DCAF12: variants seen among roughly 807,000 people sequenced by gnomAD.
DCAF12 encodes DDB1- and CUL4-associated factor 12.
DCAF12 carries 28 observed loss-of-function variants against 52.8 expected under a neutral mutation model. The observed-to-expected ratio is 0.53, with a 90% CI of 0.39 to 0.73. The LOEUF is 0.73. DCAF12 is among the 30% of genes least tolerant of loss of function. The pLI, the probability that DCAF12 is intolerant of heterozygous loss-of-function variation, is 0.00. For missense variants in DCAF12, 425 were observed against 552.2 expected (o/e 0.77, Z 2.31); for synonymous variants, 196 against 215.5 (o/e 0.91, Z 0.79).
At chr9:34,095,737 T>G (rs534744883) in intron 6 of DCAF12, 2 of 152,192 alleles carry the variant, frequency 1.3e-5, no homozygotes, top group African/African-American at 4.8e-5. Context: ...TATTGTAAAT[T>G]AAGTCTATTT....
chr9:34,090,167 G>A (rs548794527), intron 7 of DCAF12, among the ~76,000 whole-genome samples: 40 of 152,208 alleles, frequency 2.6e-4, no homozygotes, highest in Non-Finnish European at 5.0e-4. Context: ...GGGTTCAAGC[G>A]ATTCTCCTGC....
At chr9:34,094,016 C>T (rs546339467) in intron 6 of DCAF12, among the ~76,000 whole-genome samples, 3 of 152,298 alleles carry the variant, frequency 2.0e-5, no homozygotes, top group Admixed American at 6.5e-5. Flanking sequence ...CATAAGACAG[C>T]ATACAAGGTC....
At chr9:34,089,327 T>C in intron 8 of DCAF12, 85 bp downstream of exon 8, 1 of 1,384,486 alleles carries the variant, frequency 7.2e-7, no homozygotes, top group South Asian at 1.4e-5. Context: ...TATGAGTAGA[T>C]GGTGTGTCAG....
intron 8 of DCAF12, 81 bp downstream of exon 8, chr9:34,089,331 G>A: frequency 7.1e-7 from 1 of 1,401,138 alleles, no homozygotes; most frequent in Non-Finnish European, 9.7e-7. Context: ...AGTAGATGGT[G>A]TGTCAGTGGG....
chr9:34,121,986 C>T (rs1192042334), intron 2 of DCAF12, among the ~76,000 whole-genome samples: 1 of 152,110 alleles, frequency 6.6e-6, no homozygotes, highest in Non-Finnish European at 1.5e-5. Context: ...GTCCTCCTTT[C>T]TTGAATTCTT....
intron 7 of DCAF12, 32 bp from the exon 8 acceptor site, chr9:34,089,622 C>T (rs377100113): frequency 1.2e-5 from 18 of 1,564,848 alleles, no homozygotes; most frequent in East Asian, 4.6e-5. Flanking sequence ...GGCAGTGAGG[C>T]GGGAGAGAAT....
intron 2 of DCAF12, 27 bp downstream of exon 2, chr9:34,124,996 A>G (rs780445611): frequency 6.2e-7 from 1 of 1,611,342 alleles, no homozygotes; most frequent in East Asian, 2.2e-5. Context: ...GACCTAGGAG[A>G]GAGGTCACAT....
In DCAF12 at chr9:34,087,922, C is replaced by CACACACACAG. The variant is rs921628952; in HGVS notation, c.*418_*427dup. 6.5e-6 allele frequency: 1 copy of CACACACACAG among 154,384 alleles called. No individual in the cohort carries two copies. Among genetic ancestry groups the CACACACACAG allele is most frequent in the African/African-American group, 2.4e-5 (1 of 41,288 alleles). 9.6% of individuals were successfully genotyped at this position (154,384 alleles called of 1,614,324 possible). On this transcript the variant is annotated 3_prime_UTR_variant, in exon 9 of 9. Transcript: ENST00000361264. Reference sequence around the variant, plus strand: ...ACACGCAGACAAGATCTCTCTCTCACACACACACAGACACACACAGCTCCC... The same window carrying CACACACACAG: ...ACACGCAGACAAGATCTCTCTCTCACACACACACAGACACACACAGACACACACAGCTCCC...
intron 7 of DCAF12, among the ~76,000 whole-genome samples, chr9:34,090,649 G>C (rs7862025): frequency 0.31 from 46,336 of 151,760 alleles, 7,536 homozygotes; most frequent in Non-Finnish European, 0.36. Context: ...TACATTATTA[G>C]AGCCAAACCT....
chr9:34,100,773 T>TAC (rs1457112760), intron 4 of DCAF12, among the ~76,000 whole-genome samples: 21 of 151,910 alleles, frequency 1.4e-4, no homozygotes, highest in African/African-American at 4.3e-4. Flanking sequence ...GTGCTGGGAT[T>TAC]ACAGGTATGA....
At chr9:34,111,490 T>C (rs2131438019) in intron 2 of DCAF12, among the ~76,000 whole-genome samples, 1 of 152,292 alleles carries the variant, frequency 6.6e-6, no homozygotes, top group African/African-American at 2.4e-5. Flanking sequence ...CTATTAACTC[T>C]CTCCCAATTC....
chr9:34,119,174 T>C (rs1829133963), intron 2 of DCAF12, among the ~76,000 whole-genome samples: 2 of 152,150 alleles, frequency 1.3e-5, no homozygotes, highest in African/African-American at 4.8e-5. Context: ...TCTACTACTG[T>C]ATTTTTGAGC....
intron 6 of DCAF12, among the ~76,000 whole-genome samples, chr9:34,095,221 C>T (rs188720484): frequency 6.6e-6 from 1 of 151,442 alleles, no homozygotes; most frequent in African/African-American, 2.4e-5. Context: ...ACTACAGACG[C>T]CCACCACCAC....
At chr9:34,103,095 CAAAA>C (rs34456166) in intron 4 of DCAF12, among the ~76,000 whole-genome samples, 14,608 of 100,054 alleles carry the variant, frequency 0.15, 946 homozygotes, top group South Asian at 0.29. Flanking sequence ...ACCTTAACTC[CAAAA>C]AAAAAAAAAA....
At position 34,089,556 on chromosome 9, in the gene DCAF12, G is replaced by A; in HGVS notation, c.1059C>T (p.Ile353=). The A allele has an allele frequency of 3.1e-6, 5 of 1,611,802 alleles. No homozygotes were observed. The highest frequency in any genetic ancestry group is 4.2e-6 in the Non-Finnish European group (5 of 1,178,992). The part of the protein sequence containing the change: ...IRSVSFYEHI[I]TVGTGQGSLL... Reference sequence around the variant, plus strand: ...GGGAGCCCTGCCCTGTTCCCACAGTGATGATGTGCTCGTAGAAACTCACTG... The same window carrying A: ...GGGAGCCCTGCCCTGTTCCCACAGTAATGATGTGCTCGTAGAAACTCACTG... The change falls in exon 8 of 9, where the codon ATC becomes ATT. Residue 353 remains isoleucine (I), a synonymous_variant. Coordinates refer to ENST00000361264, the MANE Select transcript of DCAF12 (RefSeq NM_015397.4).
At chr9:34,091,219 C>T (rs923373659) in intron 7 of DCAF12, among the ~76,000 whole-genome samples, 9 of 151,806 alleles carry the variant, frequency 5.9e-5, no homozygotes, top group Non-Finnish European at 1.3e-4. Context: ...CCCAGCTACT[C>T]AGGAGGCTAA....
intron 5 of DCAF12, 21 bp downstream of exon 5, chr9:34,098,303 G>T (rs1237429210): frequency 6.2e-7 from 1 of 1,607,770 alleles, no homozygotes; most frequent in African/African-American, 1.3e-5. Context: ...ACACGTCAGG[G>T]ATCCCTACAC....
intron 4 of DCAF12, among the ~76,000 whole-genome samples, chr9:34,103,184 G>A (rs555530293): frequency 2.7e-5 from 4 of 150,900 alleles, no homozygotes; most frequent in South Asian, 4.2e-4. Flanking sequence ...GGCCGAGGCA[G>A]GTGGATCACG....
At chr9:34,092,412 G>T (rs1254858812) in intron 7 of DCAF12, among the ~76,000 whole-genome samples, 1 of 152,176 alleles carries the variant, frequency 6.6e-6, no homozygotes, top group Non-Finnish European at 1.5e-5. Flanking sequence ...TCTCGGCCAG[G>T]TGCAGTGGCT....
Sources: allele counts gnomAD v4.1 joint callset (sites outside exome capture counted in the v4.1 genomes callset), GRCh38; gene constraint gnomAD v4.1.1; transcripts MANE v1.5; gene names NCBI Gene and HGNC (gene_info 2026-07-23, HGNC 2026-07-21).